NKAIN2: variants seen among roughly 807,000 people sequenced by gnomAD.
NKAIN2 encodes the protein sodium/potassium transporting ATPase interacting 2.
A neutral mutation model predicts 32.6 loss-of-function variants in NKAIN2; 14 were observed. That is an observed-to-expected ratio of 0.43 (90% CI 0.28 to 0.67). The LOEUF (loss-of-function observed/expected upper bound fraction) is 0.67, where lower values mean the gene tolerates loss of function less well. NKAIN2 is among the 30% of genes least tolerant of loss of function. The probability of loss-of-function intolerance (pLI) is 0.17; values close to 1 mark genes in which losing one functional copy is unlikely to be tolerated. For synonymous variants in NKAIN2, 80 were observed against 87.2 expected (o/e 0.92, Z 0.46); for missense variants, 198 against 258.3 (o/e 0.77, Z 1.60).
chr6:124,579,921 C>T (rs1019923611), intron 3 of NKAIN2, among the ~76,000 whole-genome samples: 1 of 152,160 alleles, frequency 6.6e-6, no homozygotes, highest in Non-Finnish European at 1.5e-5. Flanking sequence ...GAGAGAGTGG[C>T]ATCACATATT....
At chr6:124,167,638 T>C (rs1788626913) in intron 1 of NKAIN2, among the ~76,000 whole-genome samples, 1 of 152,188 alleles carries the variant, frequency 6.6e-6, no homozygotes, top group Admixed American at 6.5e-5. Context: ...CCATTCAGTA[T>C]GATATTGGCT....
intron 3 of NKAIN2, among the ~76,000 whole-genome samples, chr6:124,586,620 A>G (rs1212304155): frequency 6.6e-6 from 1 of 151,922 alleles, no homozygotes; most frequent in Admixed American, 6.6e-5. Flanking sequence ...AAAAAAAAAA[A>G]CAGTTTGAGA....
chr6:124,097,057 T>C (rs999712036), intron 1 of NKAIN2, among the ~76,000 whole-genome samples: 13 of 152,140 alleles, frequency 8.5e-5, no homozygotes, highest in African/African-American at 3.1e-4. Flanking sequence ...TTGATTATAC[T>C]TGAAATGATA....
intron 4 of NKAIN2, among the ~76,000 whole-genome samples, chr6:124,703,369 C>G (rs149206151): frequency 6.6e-6 from 1 of 152,144 alleles, no homozygotes; most frequent in South Asian, 2.1e-4. Flanking sequence ...TACTGATTAC[C>G]GCTTAGCATT....
intron 4 of NKAIN2, among the ~76,000 whole-genome samples, chr6:124,759,079 G>A (rs1778096668): frequency 6.6e-6 from 1 of 152,086 alleles, no homozygotes; most frequent in Non-Finnish European, 1.5e-5. Flanking sequence ...TTTGTATCAT[G>A]TTGATTTTAT....
chr6:123,878,817 C>T (rs1002726280), intron 1 of NKAIN2, among the ~76,000 whole-genome samples: 1 of 152,058 alleles, frequency 6.6e-6, no homozygotes, highest in African/African-American at 2.4e-5. Flanking sequence ...CTCCTTCGTT[C>T]TCCCTTCCAA....
chr6:124,091,413 A>G (rs1364654237), intron 1 of NKAIN2, among the ~76,000 whole-genome samples: 2 of 151,996 alleles, frequency 1.3e-5, no homozygotes, highest in African/African-American at 2.4e-5. Context: ...TCAGTAAAAG[A>G]GATGAGATTT....
chr6:124,567,782 C>T (rs546665358), intron 3 of NKAIN2, among the ~76,000 whole-genome samples: 8 of 152,212 alleles, frequency 5.3e-5, no homozygotes, highest in South Asian at 4.1e-4. Flanking sequence ...CAGTCTTTGC[C>T]GCATATACTT....
At chr6:124,203,347 T>C (rs802225) in intron 1 of NKAIN2, among the ~76,000 whole-genome samples, 106,261 of 151,550 alleles carry the variant, frequency 0.7, 37,426 homozygotes, top group South Asian at 0.75. Flanking sequence ...CTGAGATAGC[T>C]GTATTAAAAC....
chr6:124,244,707 A>G (rs1166841124), intron 1 of NKAIN2, among the ~76,000 whole-genome samples: 1 of 152,106 alleles, frequency 6.6e-6, no homozygotes, highest in Non-Finnish European at 1.5e-5. Context: ...TAAGCACCGT[A>G]AGGACTAGAA....
chr6:124,246,074 C>T (rs570025196), intron 1 of NKAIN2, among the ~76,000 whole-genome samples: 1 of 152,126 alleles, frequency 6.6e-6, no homozygotes, highest in South Asian at 2.1e-4. Context: ...CTCCTCAAAG[C>T]GGTTTTTGTT....
chr6:124,061,791 A>C (rs868304745), intron 1 of NKAIN2, among the ~76,000 whole-genome samples: 10 of 152,170 alleles, frequency 6.6e-5, no homozygotes, highest in African/African-American at 9.6e-5. Context: ...ACACATCAAA[A>C]ATAGTAATCT....
At position 124,316,345 on chromosome 6, in the gene NKAIN2, C is replaced by A. The variant is rs115293739; in HGVS notation, c.192+33203C>A. On this transcript the variant is annotated intron_variant, in intron 2 of 6. Transcript: ENST00000368417. The stretch of plus-strand genomic sequence containing the variant: ...TCATTAAATTTCTTAGCTCTCATAA[C>A]TACATGTATGTCTGCATGACACAGA... Among the ~76,000 whole-genome samples, 540 of 152,130 alleles carry A rather than the reference C, an allele frequency of 3.5e-3. 6 individuals are homozygous for A. Among genetic ancestry groups the A allele is most frequent in the African/African-American group, 0.013 (520 of 41,538 alleles).
intron 4 of NKAIN2, among the ~76,000 whole-genome samples, chr6:124,707,272 G>C (rs1304977483): frequency 6.6e-6 from 1 of 152,072 alleles, no homozygotes; most frequent in African/African-American, 2.4e-5. Context: ...CCAAGTCTTT[G>C]CTACTGTGAA....
intron 3 of NKAIN2, among the ~76,000 whole-genome samples, chr6:124,360,468 T>A (rs1799234575): frequency 6.6e-6 from 1 of 152,108 alleles, no homozygotes; most frequent in South Asian, 2.1e-4. Context: ...GGACTAACCC[T>A]TTTGATCATG....
At chr6:124,144,623 A>G (rs1787303533) in intron 1 of NKAIN2, among the ~76,000 whole-genome samples, 1 of 152,226 alleles carries the variant, frequency 6.6e-6, no homozygotes, top group Non-Finnish European at 1.5e-5. Flanking sequence ...ACGGTCATTA[A>G]AAGTTAACTC....
chr6:123,894,486 A>G (rs1774176898), intron 1 of NKAIN2, among the ~76,000 whole-genome samples: 1 of 152,232 alleles, frequency 6.6e-6, no homozygotes, highest in South Asian at 2.1e-4. Context: ...TGGGGCATAG[A>G]TTAGCTGTCG....
chr6:124,056,595 T>C (rs1318867578), intron 1 of NKAIN2, among the ~76,000 whole-genome samples: 1 of 152,004 alleles, frequency 6.6e-6, no homozygotes, highest in Non-Finnish European at 1.5e-5. Context: ...TTAATAGGAT[T>C]GTAACAAAAT....
At chr6:124,793,348 G>T (rs1380463306) in intron 5 of NKAIN2, among the ~76,000 whole-genome samples, 1 of 152,080 alleles carries the variant, frequency 6.6e-6, no homozygotes, top group East Asian at 1.9e-4. Flanking sequence ...ATACAGAAAA[G>T]ATTTATTCAA....
Sources: allele counts gnomAD v4.1 joint callset (sites outside exome capture counted in the v4.1 genomes callset), GRCh38; gene constraint gnomAD v4.1.1; transcripts MANE v1.5; gene names NCBI Gene and HGNC (gene_info 2026-07-23, HGNC 2026-07-21).